The following LUC7L2 variants were observed in gnomAD, a reference collection of about 807,000 sequenced individuals.
LUC7L2 encodes LUC7 like 2, pre-mRNA splicing factor, also known as putative RNA-binding protein Luc7-like 2.
A neutral mutation model predicts 52.8 loss-of-function variants in LUC7L2; 25 were observed. That is an observed-to-expected ratio of 0.47 (90% CI 0.34 to 0.66). The LOEUF (loss-of-function observed/expected upper bound fraction) is 0.66. Among genes scored for constraint, LUC7L2 ranks in the 30% least tolerant of loss-of-function variants. The probability of loss-of-function intolerance (pLI) is 0.01; values close to 1 mark genes in which losing one functional copy is unlikely to be tolerated. For synonymous variants in LUC7L2, 144 were observed against 160.9 expected (o/e 0.89, Z 0.80); for missense variants, 328 against 497.8 (o/e 0.66, Z 3.25).
chr7:139,387,279 C>T (rs887402317), intron 2 of LUC7L2, among the ~76,000 whole-genome samples: 4 of 152,046 alleles, frequency 2.6e-5, no homozygotes, highest in Non-Finnish European at 4.4e-5. Flanking sequence ...CTGCAAGCTC[C>T]GCCTCCCAGG....
At position 139,376,606 on chromosome 7, in the gene LUC7L2, G is replaced by C. The variant is rs79904654; in HGVS notation, c.156+450G>C. Among the ~76,000 whole-genome samples the C allele has an allele frequency of 1.7e-3, 259 of 152,254 alleles. 1 individual carries two copies. The highest frequency in any genetic ancestry group is 5.8e-3 in the African/African-American group (243 of 41,544). On this transcript the variant is annotated intron_variant, in intron 2 of 9. Coordinates refer to ENST00000354926, the MANE Select transcript of LUC7L2 (RefSeq NM_016019.5). ...CCACACAGCTTAATTTGGGAGTATT[G>C]TCACTTAAAATATTGCTCCTGCTAA...
chr7:139,345,958 C>A lies in LUC7L2; in HGVS notation c.-26+5441C>A. The A allele has an allele frequency of 1.1e-5, 3 of 271,338 alleles. No homozygotes were observed. The South Asian group carries it at 1.5e-4, about 14-fold the overall frequency. The allele number at this position is 271,338 out of a possible 1,614,324, so 16.8% of individuals were successfully genotyped here. A position where few individuals can be genotyped will look rare whatever the true frequency, so the allele number is the denominator to read the frequency against. ...ATTTTAAAAGTAGTACAAGCCTTAG[C>A]CAGGCACGGTGGCTCACGCCTGTAA... On this transcript the variant is annotated intron_variant, in intron 1 of 10. Coordinates refer to the LUC7L2 transcript ENST00000541170.
chr7:139,363,054 C>CT (rs912853042), intron 1 of LUC7L2: 24 of 175,692 alleles, frequency 1.4e-4, no homozygotes, highest in African/African-American at 4.5e-4. Context: ...TTTAGACAAT[C>CT]TGAGGGCAGC....
Position 139,349,744 on chromosome 7 carries a change from A to G in LUC7L2, c.-26+9227A>G, listed in dbSNP as rs1220662807. On this transcript the variant is annotated intron_variant, in intron 1 of 10. Transcript: ENST00000541170. ...ACCCGCTGTTCCTCTTCACAAATGA[A>G]TTAACGTATTCAAAGACTTGAATGA... Among the ~76,000 whole-genome samples the G allele has an allele frequency of 2.0e-5, 3 of 152,310 alleles. No individual in the cohort carries two copies. In the East Asian group the frequency reaches 5.8e-4, roughly 29 times the overall value.
At chr7:139,409,426 A>C in intron 6 of LUC7L2, 137 bp from the exon 7 acceptor site, 2 of 1,095,958 alleles carry the variant, frequency 1.8e-6, no homozygotes, top group Non-Finnish European at 2.4e-6. Context: ...TATTTCTGGC[A>C]GTACTTCAAA....
At chr7:139,379,804 G>T (rs1179473442) in intron 2 of LUC7L2, among the ~76,000 whole-genome samples, 3 of 151,736 alleles carry the variant, frequency 2.0e-5, no homozygotes, top group Admixed American at 2.0e-4. Flanking sequence ...GACCTCAGTT[G>T]ATCTGCCTGC....
chr7:139,400,861 T>C (rs1263986693), intron 3 of LUC7L2, among the ~76,000 whole-genome samples: 1 of 152,254 alleles, frequency 6.6e-6, no homozygotes, highest in Admixed American at 6.5e-5. Flanking sequence ...TTTTATGTTA[T>C]CACAGATAAA....
intron 1 of LUC7L2, among the ~76,000 whole-genome samples, chr7:139,350,311 C>T (rs1402522419): frequency 2.2e-4 from 34 of 151,802 alleles, no homozygotes; most frequent in African/African-American, 7.5e-4. Flanking sequence ...TTAGTAGAGA[C>T]GGGGTTTCAC....
At chr7:139,358,504 A>C (rs1225425676), upstream of LUC7L2, among the ~76,000 whole-genome samples, 1 of 150,558 alleles carries the variant, frequency 6.6e-6, no homozygotes, top group Non-Finnish European at 1.5e-5. Flanking sequence ...TACAGTTTTA[A>C]ATTTCTTTTT....
At chr7:139,366,119 C>A (rs1800141263) in intron 1 of LUC7L2, among the ~76,000 whole-genome samples, 1 of 152,208 alleles carries the variant, frequency 6.6e-6, no homozygotes, top group African/African-American at 2.4e-5. Flanking sequence ...GAAGTCCATT[C>A]AGCTGAATAA....
intron 1 of LUC7L2, among the ~76,000 whole-genome samples, chr7:139,348,691 C>A (rs1015832750): frequency 3.3e-5 from 5 of 151,730 alleles, no homozygotes; most frequent in African/African-American, 9.7e-5. Context: ...TGCACTCAAG[C>A]CTGGTGACAG....
intron 1 of LUC7L2, among the ~76,000 whole-genome samples, chr7:139,348,224 A>C (rs984185307): frequency 8.8e-6 from 1 of 113,264 alleles, no homozygotes; most frequent in African/African-American, 6.8e-5. Context: ...TTTAATAGAG[A>C]TGGGGGTCTC....
At chr7:139,377,181 T>A (rs1469130805) in intron 2 of LUC7L2, among the ~76,000 whole-genome samples, 1 of 152,126 alleles carries the variant, frequency 6.6e-6, no homozygotes, top group African/African-American at 2.4e-5. Flanking sequence ...ATAATAAATA[T>A]AATAAACTCT....
chr7:139,352,141 G>A (rs1246072918), intron 1 of LUC7L2, among the ~76,000 whole-genome samples: 2 of 152,102 alleles, frequency 1.3e-5, no homozygotes, highest in Non-Finnish European at 2.9e-5. Context: ...GCTGCAGTGA[G>A]CTATGATCAT....
intron 2 of LUC7L2, among the ~76,000 whole-genome samples, chr7:139,389,917 A>C (rs924433486): frequency 1.3e-5 from 2 of 152,180 alleles, no homozygotes; most frequent in African/African-American, 4.8e-5. Context: ...GTACTTGAGA[A>C]AACAGAAGTT....
chr7:139,408,420 A>T (rs1303451230), intron 6 of LUC7L2, among the ~76,000 whole-genome samples: 1 of 152,236 alleles, frequency 6.6e-6, no homozygotes, highest in Non-Finnish European at 1.5e-5. Context: ...AAATATTTCC[A>T]TATTAGAAAT....
chr7:139,348,585 G>GT (rs1799346886), intron 1 of LUC7L2, among the ~76,000 whole-genome samples: 1 of 151,738 alleles, frequency 6.6e-6, no homozygotes, highest in African/African-American at 2.4e-5. Context: ...TGGACTTAGT[G>GT]GTGTGTGCCT....
intron 1 of LUC7L2, among the ~76,000 whole-genome samples, chr7:139,347,517 A>G (rs1799307847): frequency 6.6e-6 from 1 of 151,580 alleles, no homozygotes; most frequent in Non-Finnish European, 1.5e-5. Flanking sequence ...AACCCAGGAG[A>G]CGGAGGTTGC....
At chr7:139,383,000 A>T (rs191925621) in intron 2 of LUC7L2, among the ~76,000 whole-genome samples, 1 of 151,976 alleles carries the variant, frequency 6.6e-6, no homozygotes, top group South Asian at 2.1e-4. Context: ...ACCTCAGCTC[A>T]CTGCAACCTC....
Sources: gnomAD v4.1 joint callset for allele counts (sites outside exome capture counted in the v4.1 genomes callset) on GRCh38, gnomAD v4.1.1 for gene constraint, MANE v1.5 for transcripts, NCBI Gene and HGNC (gene_info 2026-07-23, HGNC 2026-07-21) for gene names.